Variants in MICAL3 observed in about 807,000 individuals in gnomAD.
The protein encoded by MICAL3 is microtubule associated monooxygenase, calponin and LIM domain containing 3.
A neutral mutation model predicts 207.4 loss-of-function variants in MICAL3; 62 were observed. The observed-to-expected ratio is 0.30, with a 90% confidence interval of 0.24 to 0.37. MICAL3 has a LOEUF of 0.37. MICAL3 is among the 10% of genes least tolerant of loss of function. The pLI, the probability that MICAL3 is intolerant of heterozygous loss-of-function variation, is 1.00. For synonymous variants in MICAL3, 1,077 were observed against 1,069.3 expected, an observed-to-expected ratio of 1.01 and a Z score of -0.14; for missense variants, 2,368 against 2,635.6, an observed-to-expected ratio of 0.90 and a Z score of 2.22.
At chr22:18,016,692 G>A (rs1924075241) in intron 1 of MICAL3, among the ~76,000 whole-genome samples, 1 of 152,196 alleles carries the variant, frequency 6.6e-6, no homozygotes, top group African/African-American at 2.4e-5. Flanking sequence ...TGTAATCCCA[G>A]CACTTTGAGA....
chr22:17,918,900 G>A (rs1406455730), intron 1 of MICAL3, among the ~76,000 whole-genome samples: 1 of 152,152 alleles, frequency 6.6e-6, no homozygotes, highest in Non-Finnish European at 1.5e-5. Flanking sequence ...GAGAAAACAA[G>A]CTCTGACTTC....
At chr22:17,899,094 A>C (rs1931109281) in intron 7 of MICAL3, among the ~76,000 whole-genome samples, 1 of 152,224 alleles carries the variant, frequency 6.6e-6, no homozygotes, top group African/African-American at 2.4e-5. Flanking sequence ...AATTAAACTG[A>C]GTATTTATGC....
intron 19 of MICAL3, chr22:17,861,189 G>C (rs1338753401): frequency 4.1e-6 from 4 of 985,242 alleles, no homozygotes; most frequent in South Asian, 4.7e-5. Flanking sequence ...CCCTAGGGTT[G>C]AATGAAATTC....
chr22:17,817,633 C>T lies in MICAL3; in HGVS notation c.5028G>A (p.Pro1676=), dbSNP rs374659532. Residue 1676 remains proline (P), a synonymous_variant, in exon 26 of 32, where the codon CCG becomes CCA. Transcript: ENST00000441493. ...AGCCATCTGGGCCCCCTGAGTCCGA[C>T]GGCGGGGAGAGGACCTCCTCGCTGG... ...EATSEEVLSP[P]SDSGGPDGSF... 1.4e-5 allele frequency: 22 copies of T among 1,613,034 alleles called. No homozygotes were observed. Among genetic ancestry groups the T allele is most frequent in the East Asian group, 4.5e-5 (2 of 44,858 alleles).
intron 1 of MICAL3, among the ~76,000 whole-genome samples, chr22:18,018,437 A>G (rs904584890): frequency 1.3e-5 from 2 of 152,176 alleles, no homozygotes; most frequent in Non-Finnish European, 2.9e-5. Flanking sequence ...AAATATACAT[A>G]TACAGGCTGG....
At chr22:17,967,485 CA>C (rs200200843) in intron 1 of MICAL3, among the ~76,000 whole-genome samples, 37 of 132,752 alleles carry the variant, frequency 2.8e-4, no homozygotes, top group African/African-American at 9.9e-4. Flanking sequence ...CACACACACA[CA>C]CACACACCCA....
chr22:18,000,247 GAAA>G (rs34270568), intron 1 of MICAL3, among the ~76,000 whole-genome samples: 3 of 40,014 alleles, frequency 7.5e-5, no homozygotes, highest in Admixed American at 3.2e-4. Context: ...AGCTTAGGGG[GAAA>G]AAAAAAAAAA....
chr22:17,832,009 A>C lies in MICAL3; in HGVS notation c.2900T>G (p.Val967Gly), dbSNP rs1372878556. ...DLGGVPWKEAVRIHALLKGKS... is the reference protein window; with the variant it reads ...DLGGVPWKEAGRIHALLKGKS... Reference sequence around the variant, plus strand: ...CCCTTTCAGAAGGGCATGGATCCGCACGGCCTCCTTCCACGGAACACCACC... The same window carrying C: ...CCCTTTCAGAAGGGCATGGATCCGCCCGGCCTCCTTCCACGGAACACCACC... The change falls in exon 21 of 32, where the codon GTG (valine) becomes GGG (glycine). Residue 967 changes from valine (V) to glycine (G), a missense_variant. Val to Gly is a moderately radical substitution (Grantham distance 109). This residue lies in a region of MICAL3 where 1,770 missense variants were observed against 1,863.2 expected (regional missense o/e 0.95). Transcript: ENST00000441493. The C allele has an allele frequency of 6.2e-7, 1 of 1,605,648 alleles. No individual in the cohort carries two copies.
At chr22:17,959,955 C>T (rs931011313) in intron 1 of MICAL3, among the ~76,000 whole-genome samples, 3 of 152,204 alleles carry the variant, frequency 2.0e-5, no homozygotes, top group African/African-American at 7.2e-5. Flanking sequence ...ACCTTCAAGA[C>T]TCAATGGCAT....
rs780908825 is a variant in MICAL3, at chr22:17,817,513, G to A, written c.5148C>T (p.Gly1716=). 8.7e-6 allele frequency: 14 copies of A among 1,613,594 alleles called. No homozygotes were observed. Among genetic ancestry groups the A allele is most frequent in the Admixed American group, 3.3e-5 (2 of 59,992 alleles). Residue 1716 remains glycine, a synonymous_variant, in exon 26 of 32, where the codon GGC becomes GGT. Transcript: ENST00000441493. ...RRNKKEKKSK[G]EGRPPEKPSS... ...TGGGCTTCTCCGGGGGCCGGCCCTC[G>A]CCTTTGGACTTCTTCTCCTTCTTGT... is the stretch of plus-strand genomic sequence containing the variant.
chr22:17,981,516 ATT>A (rs74540110), intron 1 of MICAL3, among the ~76,000 whole-genome samples: 1 of 151,952 alleles, frequency 6.6e-6, no homozygotes, highest in Non-Finnish European at 1.5e-5. Context: ...GCAATGTTAA[ATT>A]TTTTTTCATC....
chr22:17,845,885 G>C (rs1924583605), intron 19 of MICAL3, among the ~76,000 whole-genome samples: 2 of 152,226 alleles, frequency 1.3e-5, no homozygotes, highest in Admixed American at 1.3e-4. Context: ...CTGGCATCTG[G>C]AATGACAGAC....
At chr22:18,003,528 C>T (rs754575245) in intron 1 of MICAL3, among the ~76,000 whole-genome samples, 8 of 152,184 alleles carry the variant, frequency 5.3e-5, no homozygotes, top group Non-Finnish European at 1.2e-4. Flanking sequence ...CTGTGACAAC[C>T]ATTCAACCAC....
intron 1 of MICAL3, among the ~76,000 whole-genome samples, chr22:17,955,718 C>T (rs1934579602): frequency 6.6e-6 from 1 of 152,196 alleles, no homozygotes; most frequent in Non-Finnish European, 1.5e-5. Flanking sequence ...TTTCTTCTAC[C>T]AGCTGCATTT....
rs762488684 is a variant in MICAL3, at chr22:17,889,091, T to A, written c.1834A>T (p.Met612Leu). Reference sequence around the variant, plus strand: ...TAGAACTGAGTCAGGTACATCACCATGGACAGCTTATCAGGCTCCCCCACG... The same window carrying A: ...TAGAACTGAGTCAGGTACATCACCAAGGACAGCTTATCAGGCTCCCCCACG... ...ASVGEPDKLS[M>L]VMYLTQFYEM... is the part of the protein sequence containing the mutation. Residue 612 changes from methionine to leucine, a missense_variant, in exon 13 of 32, where the codon ATG (methionine) becomes TTG (leucine). Transcript: ENST00000441493. 1.2e-6 allele frequency: 2 copies of A among 1,613,672 alleles called. No homozygotes were observed. The highest frequency in any genetic ancestry group is 3.3e-5 in the Admixed American group (2 of 59,988).
intron 1 of MICAL3, among the ~76,000 whole-genome samples, chr22:17,993,838 A>AC (rs11301702): frequency 6.6e-6 from 1 of 151,096 alleles, no homozygotes; most frequent in Non-Finnish European, 1.5e-5. Context: ...GGAAGCGGTG[A>AC]CCCCCCAGGA....
chr22:17,891,673 C>G lies in MICAL3; in HGVS notation c.1547-41G>C, dbSNP rs767787288. On this transcript the variant is annotated intron_variant, in intron 11 of 31. Coordinates refer to ENST00000441493, the MANE Select transcript of MICAL3 (RefSeq NM_015241.3). The stretch of plus-strand genomic sequence containing the variant: ...ACAGTATTATTGGAGGTGTGGTCAC[C>G]TGGTAATGCTGACAGAGAATCCTCT... The G allele has an allele frequency of 2.5e-6, 4 of 1,594,956 alleles. No individual in the cohort carries two copies. In the African/African-American group the frequency reaches 5.4e-5, roughly 21 times the overall value.
At chr22:18,021,016 C>G (rs1250045114) in intron 1 of MICAL3, among the ~76,000 whole-genome samples, 4 of 152,112 alleles carry the variant, frequency 2.6e-5, no homozygotes, top group African/African-American at 9.7e-5. Context: ...TCACAATCCA[C>G]AGTTTAAAAA....
chr22:17,825,234 C>T (rs1922046394), intron 22 of MICAL3, among the ~76,000 whole-genome samples: 2 of 151,968 alleles, frequency 1.3e-5, no homozygotes, highest in Admixed American at 6.5e-5. Context: ...CTTGGCAGTA[C>T]CTTGAAAGGA....
Sources: gnomAD v4.1 joint callset for allele counts (sites outside exome capture counted in the v4.1 genomes callset) on GRCh38, gnomAD v4.1.1 for gene constraint, gnomAD v4.1.1 regional missense constraint, MANE v1.5 for transcripts, NCBI Gene and HGNC (gene_info 2026-07-23, HGNC 2026-07-21) for gene names.